Variants in LHPP observed in about 807,000 individuals in gnomAD.
The protein encoded by LHPP is hLHPP.
A neutral mutation model predicts 30.3 loss-of-function variants in LHPP; 24 were observed. That is an observed-to-expected ratio of 0.79 (90% confidence interval 0.57 to 1.11). The LOEUF is 1.11. LHPP is among the 50% of genes most tolerant of loss of function. The pLI is 0.00. For missense variants in LHPP, 356 were observed against 367.2 expected (o/e 0.97, Z 0.25); for synonymous variants, 150 against 157.1 (o/e 0.95, Z 0.34).
intron 6 of LHPP, among the ~76,000 whole-genome samples, chr10:124,599,495 C>T (rs543556434): frequency 6.2e-4 from 94 of 152,368 alleles, no homozygotes; most frequent in Non-Finnish European, 9.4e-4. Flanking sequence ...CTGCCAGTCC[C>T]GCCTCCAGGC....
At chr10:124,598,216 G>A (rs1948975140) in intron 6 of LHPP, among the ~76,000 whole-genome samples, 1 of 152,248 alleles carries the variant, frequency 6.6e-6, no homozygotes, top group Admixed American at 6.5e-5. Context: ...GCACTGCCAG[G>A]AGTAATGTTA....
intron 5 of LHPP, among the ~76,000 whole-genome samples, chr10:124,513,120 G>T (rs940710178): frequency 1.3e-5 from 2 of 150,098 alleles, no homozygotes; most frequent in African/African-American, 4.9e-5. Context: ...ACAGAGTTTT[G>T]CTCTTCTCGC....
chr10:124,497,240 C>T (rs544870006), intron 4 of LHPP, among the ~76,000 whole-genome samples: 6 of 143,788 alleles, frequency 4.2e-5, no homozygotes, highest in African/African-American at 1.6e-4. Flanking sequence ...CCTTCCCATC[C>T]TTCCCATCCT....
chr10:124,496,746 T>C lies in LHPP; in HGVS notation c.468-215T>C, dbSNP rs1292848204. Among the ~76,000 whole-genome samples the C allele has an allele frequency of 3.9e-5, 6 of 152,254 alleles. No homozygotes were observed. The East Asian group carries it at 9.6e-4, about 24-fold the overall frequency. ...CTGTGGCATCCCTGGAGCTGCTGGC[T>C]GCTGCGCTCGCCCCACTGGGTGTGG... On this transcript the variant is annotated intron_variant, in intron 3 of 6. Coordinates refer to ENST00000368842, the MANE Select transcript of LHPP (RefSeq NM_022126.4). This position sits in a 1 kb window ranked among gnomAD's most constrained non-coding sequence, Gnocchi z 4.3.
At chr10:124,473,582 G>T (rs990395022) in intron 1 of LHPP, among the ~76,000 whole-genome samples, 13 of 152,160 alleles carry the variant, frequency 8.5e-5, no homozygotes, top group African/African-American at 3.1e-4. Flanking sequence ...CATTATGGCT[G>T]CAGCTCAAGG....
At chr10:124,546,700 G>A (rs952003404) in intron 6 of LHPP, among the ~76,000 whole-genome samples, 38 of 151,732 alleles carry the variant, frequency 2.5e-4, no homozygotes, top group East Asian at 1.6e-3. Context: ...GTGAGCCACC[G>A]CGCCCGCCTC....
chr10:124,522,997 G>A (rs1012458257), intron 6 of LHPP, among the ~76,000 whole-genome samples: 1 of 152,094 alleles, frequency 6.6e-6, no homozygotes, highest in South Asian at 2.1e-4. Flanking sequence ...AGGCCGTGTG[G>A]CCTCTCACCA....
Position 124,461,964 on chromosome 10 carries a change from C to T in LHPP, c.102C>T (p.Ala34=). The T allele has an allele frequency of 2.4e-6, 3 of 1,224,724 alleles. No individual in the cohort carries two copies. In the South Asian group the frequency reaches 1.2e-4, roughly 50 times the overall value. The allele number at this position is 1,224,724 out of a possible 1,614,324, so 75.9% of individuals were successfully genotyped here. A position where few individuals can be genotyped will look rare whatever the true frequency, so the allele number is the denominator to read the frequency against. Residue 34 remains alanine (A), a synonymous_variant, in exon 1 of 7, where the codon GCC becomes GCT. Coordinates refer to ENST00000368842, the MANE Select transcript of LHPP (RefSeq NM_022126.4). ...DSGAGGGTAI[A]GSVEAVARLK... ...GCGCGGGCGGCGGCACGGCCATCGCCGGCTCGGTGGAGGCGGTGGCCAGGT... is the reference window on the plus strand; with the variant it reads ...GCGCGGGCGGCGGCACGGCCATCGCTGGCTCGGTGGAGGCGGTGGCCAGGT...
chr10:124,603,708 C>T (rs190627253), intron 6 of LHPP, among the ~76,000 whole-genome samples: 19 of 152,342 alleles, frequency 1.2e-4, no homozygotes, highest in African/African-American at 4.3e-4. Context: ...CTGGACCCTC[C>T]GGTCCCTCCA....
At chr10:124,545,957 G>A (rs564054826) in intron 6 of LHPP, 1 of 152,438 alleles carries the variant, frequency 6.6e-6, no homozygotes, top group African/African-American at 2.4e-5. Context: ...GTATTGACCA[G>A]GCGTGTGTGT....
At chr10:124,462,096 C>A (rs977295747) in intron 1 of LHPP, 109 bp downstream of exon 1, 3 of 1,013,754 alleles carry the variant, frequency 3.0e-6, no homozygotes, top group East Asian at 8.6e-5. Flanking sequence ...GGCGCAGGCC[C>A]CGCCTCGGTC....
rs1413501974 is a variant in LHPP at position 124,507,236 on chromosome 10, G to GGTAGACAGGATTTCAGGTGGGGA, written c.624+9112_624+9113insACAGGATTTCAGGTGGGGAGTAG. ...GATAGGGAAGATTTCAGGTGTGGAG[G>GGTAGACAGGATTTCAGGTGGGGA]GTAGGCAGGATTTCAGGTCGGGGGG... On this transcript the variant is annotated intron_variant, in intron 5 of 6. Transcript: ENST00000368842. Among the ~76,000 whole-genome samples, 2 of 6,480 alleles carry GGTAGACAGGATTTCAGGTGGGGA rather than the reference G, an allele frequency of 3.1e-4. 1 individual carries two copies. Among genetic ancestry groups the GGTAGACAGGATTTCAGGTGGGGA allele is most frequent in the Non-Finnish European group, 8.7e-4 (2 of 2,292 alleles). 4.3% of individuals were successfully genotyped at this position (6,480 alleles called of 152,430 possible). A position where few individuals can be genotyped will look rare whatever the true frequency, so the allele number is the denominator to read the frequency against.
In LHPP at chr10:124,478,009, G is replaced by A. The variant is rs559337174; in HGVS notation, c.126-6130G>A. On this transcript the variant is annotated intron_variant, in intron 1 of 6. Coordinates refer to ENST00000368842, the MANE Select transcript of LHPP (RefSeq NM_022126.4). This position sits in a 1 kb window ranked among gnomAD's most constrained non-coding sequence, Gnocchi z 4.7. ...CCAAGGCTCTGGTTGCTGAGGATGG[G>A]GCTGGTCCTGCGCCAGGGTGCCCCC... Among the ~76,000 whole-genome samples the A allele has an allele frequency of 6.6e-6, 1 of 152,296 alleles. No homozygotes were observed. Among genetic ancestry groups the A allele is most frequent in the African/African-American group, 2.4e-5 (1 of 41,570 alleles).
chr10:124,462,027 T>C (rs1952412970), intron 1 of LHPP, 40 bp downstream of exon 1: 13 of 1,195,758 alleles, frequency 1.1e-5, no homozygotes, highest in Non-Finnish European at 9.3e-6. Flanking sequence ...CGCCGAGCTC[T>C]AAGCTCAGCC....
At chr10:124,471,966 A>G (rs893641676) in intron 1 of LHPP, among the ~76,000 whole-genome samples, 5 of 151,474 alleles carry the variant, frequency 3.3e-5, no homozygotes, top group African/African-American at 4.9e-5. Context: ...GTTCAAATTT[A>G]TAATGTTTGT....
chr10:124,583,453 T>C (rs1165884325), intron 6 of LHPP, among the ~76,000 whole-genome samples: 1 of 152,204 alleles, frequency 6.6e-6, no homozygotes, highest in Non-Finnish European at 1.5e-5. Context: ...CAGTTGACCA[T>C]TGTAGTAGGC....
At chr10:124,586,054 G>T in intron 6 of LHPP, among the ~76,000 whole-genome samples, 1 of 150,194 alleles carries the variant, frequency 6.7e-6, no homozygotes, top group East Asian at 1.9e-4. Flanking sequence ...AAAGTGCTGG[G>T]ATTACAGGCG....
chr10:124,505,253 ACT>A (rs1317265885), intron 5 of LHPP, among the ~76,000 whole-genome samples: 4 of 152,226 alleles, frequency 2.6e-5, no homozygotes, highest in African/African-American at 9.6e-5. Flanking sequence ...TTTCAAATGA[ACT>A]GTGTCTTATG....
At chr10:124,487,287 CT>C (rs985817548) in intron 2 of LHPP, among the ~76,000 whole-genome samples, 5 of 152,012 alleles carry the variant, frequency 3.3e-5, no homozygotes, top group African/African-American at 1.2e-4. Flanking sequence ...TCTGCCAGAC[CT>C]TTTTTTCAGA....
Sources: gnomAD v4.1 joint callset for allele counts (sites outside exome capture counted in the v4.1 genomes callset) on GRCh38, gnomAD v4.1.1 for gene constraint, Gnocchi (gnomAD v3.1) non-coding constraint, MANE v1.5 for transcripts, NCBI Gene and HGNC (gene_info 2026-07-23, HGNC 2026-07-21) for gene names.